The following MAP3K13 variants were observed in gnomAD, a reference collection of about 807,000 sequenced individuals.
MAP3K13 encodes the protein mitogen-activated protein kinase kinase kinase 13, also known as leucine zipper-bearing kinase.
In MAP3K13, 52 loss-of-function variants were observed where a neutral mutation model predicts 104.0. That is an observed-to-expected ratio of 0.50 (90% CI 0.40 to 0.63). MAP3K13 has a LOEUF of 0.63. MAP3K13 is among the 20% of genes least tolerant of loss of function. MAP3K13 has a pLI of 0.00. For missense variants in MAP3K13, 914 were observed against 1,218.5 expected (o/e 0.75, Z 3.72); for synonymous variants, 394 against 442.2 (o/e 0.89, Z 1.37).
chr3:185,330,967 C>T (rs971943077), intron 2 of MAP3K13, among the ~76,000 whole-genome samples: 1 of 152,178 alleles, frequency 6.6e-6, no homozygotes, highest in Non-Finnish European at 1.5e-5. Context: ...TGTTTCTTCC[C>T]AGCCTTCATT....
chr3:185,436,714 C>A (rs1715047007), intron 2 of MAP3K13, among the ~76,000 whole-genome samples: 1 of 151,914 alleles, frequency 6.6e-6, no homozygotes, highest in Non-Finnish European at 1.5e-5. Flanking sequence ...TTAAAAAATT[C>A]ATTAGCAGCC....
At position 185,370,136 on chromosome 3, in the gene MAP3K13, C is replaced by A. The variant is rs570026860; in HGVS notation, c.-86+6768C>A. Among the ~76,000 whole-genome samples, 3 of 152,272 alleles carry A rather than the reference C, an allele frequency of 2.0e-5. No individual in the cohort carries two copies. In the South Asian group the frequency reaches 6.2e-4, roughly 32 times the overall value. On this transcript the variant is annotated intron_variant, in intron 1 of 13. Coordinates refer to ENST00000265026, the MANE Select transcript of MAP3K13 (RefSeq NM_004721.5). ...TTAACAACATTAAATAAGCAAGGGA[C>A]AATTTCTAAGGCAATCTGGCTAAAA...
chr3:185,432,185 C>CTT (rs11407161), intron 2 of MAP3K13, among the ~76,000 whole-genome samples: 1,855 of 90,062 alleles, frequency 0.021, 60 homozygotes, highest in Non-Finnish European at 0.026. Flanking sequence ...TTTCTAATTG[C>CTT]TTTTTTTTTT....
chr3:185,427,316 A>C (rs1714484663), intron 1 of MAP3K13, among the ~76,000 whole-genome samples: 1 of 151,602 alleles, frequency 6.6e-6, no homozygotes, highest in African/African-American at 2.4e-5. Flanking sequence ...GTGAGCCGAG[A>C]TCACACCACT....
At position 185,450,361 on chromosome 3, in the gene MAP3K13, T is replaced by C. The variant is rs1387368828; in HGVS notation, c.1169+303T>C. On this transcript the variant is annotated intron_variant, in intron 6 of 13. Coordinates refer to ENST00000265026, the MANE Select transcript of MAP3K13 (RefSeq NM_004721.5). The surrounding 1 kb of genome is among the most constrained non-coding windows in gnomAD (Gnocchi z 4.2). ...TGGTCAATGATAGCTACTATTTCTT[T>C]GCTAGTCCTAATGGACTATTATTAA... Among the ~76,000 whole-genome samples, 2 of 152,262 alleles carry C rather than the reference T, an allele frequency of 1.3e-5. No homozygotes were observed. The highest frequency in any genetic ancestry group is 2.9e-5 in the Non-Finnish European group (2 of 68,044).
chr3:185,323,947 A>G (rs1309401322), intron 2 of MAP3K13, among the ~76,000 whole-genome samples: 1 of 152,142 alleles, frequency 6.6e-6, no homozygotes. Flanking sequence ...AGATGACGTC[A>G]TTGTACTTTT....
chr3:185,318,234 C>T (rs1721743717), intron 2 of MAP3K13, among the ~76,000 whole-genome samples: 1 of 152,134 alleles, frequency 6.6e-6, no homozygotes, highest in South Asian at 2.1e-4. Context: ...ATACAAGAGA[C>T]AGAGTACAGG....
rs987976599 is a variant in MAP3K13, at chr3:185,482,090, A to C, written c.2800-265A>C. Among the ~76,000 whole-genome samples, 5 of 152,254 alleles carry C rather than the reference A, an allele frequency of 3.3e-5. No homozygotes were observed. The highest frequency in any genetic ancestry group is 1.2e-4 in the African/African-American group (5 of 41,468). ...CAGAGTGAGACTCCATCTCTAAATA[A>C]ATAAATAAGTAAAGTACTTACAACA... On this transcript the variant is annotated intron_variant, in intron 13 of 13. Coordinates refer to ENST00000265026, the MANE Select transcript of MAP3K13 (RefSeq NM_004721.5). This position sits in a 1 kb window ranked among gnomAD's most constrained non-coding sequence, Gnocchi z 4.5.
At chr3:185,285,629 A>T in exon 2 of MAP3K13, 1 of 1,535,560 alleles carries the variant, frequency 6.5e-7, no homozygotes, top group Non-Finnish European at 8.7e-7. Context: ...TTCAAATCCT[A>T]GCACTCTGGG....
chr3:185,308,239 TG>T (rs1721372742), intron 2 of MAP3K13, among the ~76,000 whole-genome samples: 1 of 152,108 alleles, frequency 6.6e-6, no homozygotes, highest in Non-Finnish European at 1.5e-5. Flanking sequence ...GTATCTCCTC[TG>T]AACTGTGCCT....
intron 2 of MAP3K13, among the ~76,000 whole-genome samples, chr3:185,298,557 AT>A (rs1309864530): frequency 6.6e-6 from 1 of 152,180 alleles, no homozygotes; most frequent in African/African-American, 2.4e-5. Context: ...TACTTTACAT[AT>A]TTTATTTATT....
upstream of MAP3K13, among the ~76,000 whole-genome samples, chr3:185,359,126 C>A (rs957329466): frequency 4.6e-5 from 7 of 152,310 alleles, no homozygotes; most frequent in African/African-American, 1.7e-4. Context: ...TACAGTTCCA[C>A]ATGGCTGGGG....
intron 2 of MAP3K13, among the ~76,000 whole-genome samples, chr3:185,348,391 A>C: frequency 6.6e-6 from 1 of 152,234 alleles, no homozygotes; most frequent in Non-Finnish European, 1.5e-5. Flanking sequence ...AATGATATTC[A>C]ATGGAGCTTC....
At chr3:185,454,862 A>G (rs1220656687) in intron 7 of MAP3K13, among the ~76,000 whole-genome samples, 1 of 54,470 alleles carries the variant, frequency 1.8e-5, no homozygotes, top group Non-Finnish European at 4.0e-5. Flanking sequence ...TATACATGAT[A>G]TATATATGAG....
chr3:185,285,211 G>T (rs963566193), intron 1 of MAP3K13, among the ~76,000 whole-genome samples: 15 of 152,024 alleles, frequency 9.9e-5, no homozygotes, highest in African/African-American at 3.6e-4. Context: ...CCGATTTCTG[G>T]AAAGTGCCCA....
At chr3:185,433,825 T>G (rs1714877677) in intron 2 of MAP3K13, among the ~76,000 whole-genome samples, 1 of 152,226 alleles carries the variant, frequency 6.6e-6, no homozygotes, top group African/African-American at 2.4e-5. Context: ...CAAATGTATT[T>G]GTATTTTAGT....
Position 185,443,592 on chromosome 3 carries a change from T to C in MAP3K13, c.807T>C (p.Tyr269=), listed in dbSNP as rs1260975108. 6.2e-7 allele frequency: 1 copy of C among 1,614,046 alleles called. No individual in the cohort carries two copies. Among genetic ancestry groups the C allele is most frequent in the African/African-American group, 1.3e-5 (1 of 74,914 alleles). The part of the protein sequence containing the change: ...WSTGIASGMN[Y]LHLHKIIHRD... ...CAGGAATTGCAAGTGGAATGAATTA[T>C]TTGCACCTCCATAAAATTATTCATC... The change falls in exon 4 of 14, where the codon TAT becomes TAC. Residue 269 remains tyrosine (Y), a synonymous_variant. Coordinates refer to ENST00000265026, the MANE Select transcript of MAP3K13 (RefSeq NM_004721.5).
chr3:185,322,779 C>G (rs1721912018), intron 2 of MAP3K13, among the ~76,000 whole-genome samples: 1 of 152,212 alleles, frequency 6.6e-6, no homozygotes, highest in African/African-American at 2.4e-5. Flanking sequence ...CCCTTCATCT[C>G]ATTTCTGTCT....
chr3:185,460,221 T>C (rs1717018836), intron 7 of MAP3K13, among the ~76,000 whole-genome samples: 1 of 152,238 alleles, frequency 6.6e-6, no homozygotes, highest in South Asian at 2.1e-4. Context: ...GCCTGACTGC[T>C]GTCCATCAGA....
Sources: gnomAD v4.1 joint callset for allele counts (sites outside exome capture counted in the v4.1 genomes callset) on GRCh38, gnomAD v4.1.1 for gene constraint, Gnocchi (gnomAD v3.1) non-coding constraint, MANE v1.5 for transcripts, NCBI Gene and HGNC (gene_info 2026-07-23, HGNC 2026-07-21) for gene names.